The following RBM27 variants were observed in gnomAD, a reference collection of about 807,000 sequenced individuals.
RBM27 encodes RNA binding motif protein 27.
RBM27 carries 22 observed loss-of-function variants against 135.3 expected under a neutral mutation model. That is an observed-to-expected ratio of 0.16 (90% CI 0.12 to 0.23). RBM27 has a LOEUF of 0.23. Among genes scored for constraint, RBM27 ranks in the 10% least tolerant of loss-of-function variants. RBM27 has a pLI of 1.00. For missense variants in RBM27, 1,009 were observed against 1,281.0 expected, an observed-to-expected ratio of 0.79 and a Z score of 3.24; for synonymous variants, 481 against 442.4, an observed-to-expected ratio of 1.09 and a Z score of -1.10.
chr5:146,232,920 G>A (rs1756999560), intron 6 of RBM27, among the ~76,000 whole-genome samples: 1 of 152,126 alleles, frequency 6.6e-6, no homozygotes, highest in Non-Finnish European at 1.5e-5. Context: ...CCTTATTGAT[G>A]TATGTTTGGG....
intron 4 of RBM27, 82 bp downstream of exon 4, chr5:146,229,119 A>G (rs1487670970): frequency 2.1e-6 from 2 of 955,516 alleles, no homozygotes; most frequent in Non-Finnish European, 3.3e-6. Flanking sequence ...GATTTTTAAT[A>G]TATATACTTA....
chr5:146,261,107 A>C (rs1758376816), intron 12 of RBM27, among the ~76,000 whole-genome samples: 1 of 152,208 alleles, frequency 6.6e-6, no homozygotes, highest in Non-Finnish European at 1.5e-5. Flanking sequence ...TCTTTTCTGC[A>C]ATCTCTTCCT....
At chr5:146,272,142 G>T (rs1449621282) in intron 19 of RBM27, among the ~76,000 whole-genome samples, 2 of 152,168 alleles carry the variant, frequency 1.3e-5, no homozygotes, top group Non-Finnish European at 2.9e-5. Flanking sequence ...ACTCTTTCCA[G>T]CCACTCATTC....
intron 1 of RBM27, among the ~76,000 whole-genome samples, chr5:146,208,984 CATT>C (rs942707969): frequency 2.3e-4 from 35 of 152,268 alleles, no homozygotes; most frequent in Admixed American, 1.4e-3. Flanking sequence ...CTTTAATAGA[CATT>C]GTTGTGTGAA....
intron 7 of RBM27, among the ~76,000 whole-genome samples, chr5:146,237,095 C>T (rs1008619566): frequency 2.6e-5 from 4 of 151,966 alleles, no homozygotes; most frequent in East Asian, 1.9e-4. Context: ...TGTGCCACCA[C>T]GCCCTGCTCA....
At chr5:146,228,626 G>T (rs1355467931) in intron 3 of RBM27, among the ~76,000 whole-genome samples, 1 of 151,748 alleles carries the variant, frequency 6.6e-6, no homozygotes, top group African/African-American at 2.4e-5. Context: ...TTTTGAGAAA[G>T]GTCTCACTCT....
chr5:146,214,675 A>G (rs17104316), intron 1 of RBM27, among the ~76,000 whole-genome samples: 1,622 of 151,620 alleles, frequency 0.011, 31 homozygotes, highest in African/African-American at 0.038. Flanking sequence ...AAGTTTCACC[A>G]TTCAATTAGT....
Position 146,266,529 on chromosome 5 carries a change from TGTG to T in RBM27, c.2332-1116_2332-1114del, listed in dbSNP as rs571671752. Among the ~76,000 whole-genome samples the T allele has an allele frequency of 4.6e-5, 7 of 152,348 alleles. No individual in the cohort carries two copies. In the South Asian group the frequency reaches 6.2e-4, roughly 14 times the overall value. ...TTTAATTTTGATGATAATTAAGTGT[TGTG>T]GTGATTGAGAGAAGTCTTACATTTG... On this transcript the variant is annotated intron_variant, in intron 14 of 20. Coordinates refer to ENST00000265271, the MANE Select transcript of RBM27 (RefSeq NM_018989.2).
In RBM27 at chr5:146,271,039, T is replaced by A; in HGVS notation, c.2777T>A (p.Leu926His). Residue 926 changes from leucine to histidine, a missense_variant, in exon 18 of 21, where the codon CTC (leucine) becomes CAC (histidine). Coordinates refer to ENST00000265271, the MANE Select transcript of RBM27 (RefSeq NM_018989.2). ...GEDTTELRKK[L>H]SQLQVEAARL... is the part of the protein sequence containing the mutation. ...GACACCACAGAATTACGGAAAAAAC[T>A]CAGTCAGTTACAGGTTGAGGTGAGA... The A allele has an allele frequency of 1.2e-6, 2 of 1,612,690 alleles. No homozygotes were observed. Among genetic ancestry groups the A allele is most frequent in the Non-Finnish European group, 1.7e-6 (2 of 1,178,878 alleles).
At chr5:146,249,025 T>G (rs1486595903) in intron 8 of RBM27, among the ~76,000 whole-genome samples, 1 of 152,166 alleles carries the variant, frequency 6.6e-6, no homozygotes, top group East Asian at 1.9e-4. Context: ...CCCTGTCACC[T>G]AAGCTGGAGT....
intron 7 of RBM27, among the ~76,000 whole-genome samples, chr5:146,235,767 A>G (rs1581173562): frequency 6.6e-6 from 1 of 151,540 alleles, no homozygotes; most frequent in South Asian, 2.1e-4. Flanking sequence ...ACTCACTGCA[A>G]CCTCCGCCTC....
intron 1 of RBM27, among the ~76,000 whole-genome samples, chr5:146,212,982 T>G (rs1249090470): frequency 6.6e-6 from 1 of 152,234 alleles, no homozygotes; most frequent in Non-Finnish European, 1.5e-5. Context: ...TGTTTTTATT[T>G]AATAAATATA....
chr5:146,248,721 C>T (rs1369746491), intron 8 of RBM27, among the ~76,000 whole-genome samples: 1 of 152,204 alleles, frequency 6.6e-6, no homozygotes. Flanking sequence ...CCGCCTTGGC[C>T]TCCCAAAGTG....
At chr5:146,234,584 T>C (rs1008315417) in intron 7 of RBM27, among the ~76,000 whole-genome samples, 1 of 151,958 alleles carries the variant, frequency 6.6e-6, no homozygotes, top group Non-Finnish European at 1.5e-5. Flanking sequence ...TGTTTTAAAA[T>C]GGTCATTTAA....
At chr5:146,284,014 C>A (rs1337199774) in intron 19 of RBM27, among the ~76,000 whole-genome samples, 1 of 151,984 alleles carries the variant, frequency 6.6e-6, no homozygotes, top group Non-Finnish European at 1.5e-5. Flanking sequence ...TTGGAATTTG[C>A]TGGGGAGAAA....
intron 19 of RBM27, among the ~76,000 whole-genome samples, chr5:146,276,382 G>A (rs935619604): frequency 6.6e-6 from 1 of 152,086 alleles, no homozygotes; most frequent in Non-Finnish European, 1.5e-5. Context: ...GTACTGTTTA[G>A]AACCTGTGCT....
intron 16 of RBM27, 43 bp downstream of exon 16, chr5:146,269,324 A>G: frequency 2.0e-6 from 3 of 1,512,700 alleles, no homozygotes; most frequent in Non-Finnish European, 1.8e-6. Context: ...ATTGATGTAT[A>G]GAATTGATTT....
chr5:146,282,000 C>CTTTTTTTTTTTTTTT (rs777368235), intron 19 of RBM27, among the ~76,000 whole-genome samples: 1 of 101,482 alleles, frequency 9.9e-6, no homozygotes, highest in African/African-American at 4.0e-5. Flanking sequence ...TATTTTTCAT[C>CTTTTTTTTTTTTTTT]TTTTTTTTTT....
Position 146,223,487 on chromosome 5 carries a change from C to T in RBM27, c.263C>T (p.Pro88Leu). The T allele has an allele frequency of 6.2e-7, 1 of 1,609,034 alleles. No homozygotes were observed. The highest frequency in any genetic ancestry group is 8.5e-7 in the Non-Finnish European group (1 of 1,177,892). ...LPLLEPVKPE[P>L]KPLVQEKEEI... ...CTTTTGGAACCAGTAAAGCCTGAGC[C>T]AAAACCACTAGTCCAAGAAAAAGAA... The change falls in exon 3 of 21, where the codon CCA becomes CTA. Residue 88 changes from proline (P) to leucine (L), a missense_variant. This residue lies in a region of RBM27 where 268 missense variants were observed against 326.6 expected (regional missense o/e 0.82). Transcript: ENST00000265271.
Sources: gnomAD v4.1 joint callset for allele counts (sites outside exome capture counted in the v4.1 genomes callset) on GRCh38, gnomAD v4.1.1 for gene constraint, gnomAD v4.1.1 regional missense constraint, MANE v1.5 for transcripts, NCBI Gene and HGNC (gene_info 2026-07-23, HGNC 2026-07-21) for gene names.